Variants in PGCKA1 observed in about 807,000 individuals in gnomAD.
PGCKA1 encodes the protein PDCD10 and GCKIII kinases-associated protein 1.
the PGCKA1 span, among the ~76,000 whole-genome samples, chr4:37,498,999 T>G: frequency 6.6e-6 from 1 of 152,260 alleles, no homozygotes; most frequent in South Asian, 2.1e-4. Context: ...GTATGTTCCT[T>G]CAATGCCTAG....
the PGCKA1 span, among the ~76,000 whole-genome samples, chr4:37,555,684 G>C: frequency 6.6e-6 from 1 of 152,112 alleles, no homozygotes; most frequent in Admixed American, 6.6e-5. Flanking sequence ...TTTTTAAAAT[G>C]GTCTCGATCC....
the PGCKA1 span, among the ~76,000 whole-genome samples, chr4:37,466,923 C>T: frequency 3.3e-5 from 5 of 152,128 alleles, no homozygotes; most frequent in African/African-American, 1.2e-4. Context: ...CATGGTGAAA[C>T]CCCATCTCTA....
chr4:37,454,159 G>A, the PGCKA1 span: 1 of 152,322 alleles, frequency 6.6e-6, no homozygotes, highest in South Asian at 1.9e-4. Flanking sequence ...TTAATTTCTT[G>A]ATTTGCTTTT....
chr4:37,563,129 A>C, the PGCKA1 span, among the ~76,000 whole-genome samples: 149,761 of 152,240 alleles, frequency 0.98, 73,709 homozygotes, highest in Middle Eastern at 1. Flanking sequence ...AGTCCGGAAA[A>C]ACATTTATAA....
At chr4:37,571,243 G>A in the PGCKA1 span, among the ~76,000 whole-genome samples, 1 of 151,814 alleles carries the variant, frequency 6.6e-6, no homozygotes, top group Admixed American at 6.6e-5. Context: ...TCTCATCCTG[G>A]GACTATATAT....
At chr4:37,461,925 G>A in the PGCKA1 span, among the ~76,000 whole-genome samples, 2 of 152,030 alleles carry the variant, frequency 1.3e-5, no homozygotes, top group African/African-American at 4.8e-5. Context: ...AGGGAATAAA[G>A]AGAGAATGTG....
chr4:37,527,935 G>C, the PGCKA1 span, among the ~76,000 whole-genome samples: 3 of 152,174 alleles, frequency 2.0e-5, no homozygotes, highest in African/African-American at 7.2e-5. Context: ...AGGCAGTCTA[G>C]GTGTGTGGTA....
At chr4:37,457,503 T>G in the PGCKA1 span, among the ~76,000 whole-genome samples, 1 of 152,242 alleles carries the variant, frequency 6.6e-6, no homozygotes, top group Non-Finnish European at 1.5e-5. Context: ...TATTTTAAAT[T>G]TATTCACTTG....
the PGCKA1 span, among the ~76,000 whole-genome samples, chr4:37,574,187 CAAA>C: frequency 7.3e-6 from 1 of 136,348 alleles, no homozygotes; most frequent in Non-Finnish European, 1.6e-5. Flanking sequence ...GACTCCATCT[CAAA>C]AAAAAAAAAG....
chr4:37,480,221 C>A, the PGCKA1 span, among the ~76,000 whole-genome samples: 4 of 152,164 alleles, frequency 2.6e-5, no homozygotes, highest in Non-Finnish European at 4.4e-5. Context: ...GGCCAGGTGC[C>A]GTGGCTCACG....
At chr4:37,589,043 T>TA in the PGCKA1 span, 1 of 579,164 alleles carries the variant, frequency 1.7e-6, no homozygotes, top group South Asian at 3.0e-5. Context: ...TTGGAATTGT[T>TA]ATAATATCAT....
At chr4:37,460,900 A>G in the PGCKA1 span, 1 of 399,768 alleles carries the variant, frequency 2.5e-6, no homozygotes, top group Non-Finnish European at 4.8e-6. Context: ...TTCATCATAA[A>G]ATCTTTGCCC....
At chr4:37,473,961 C>G in the PGCKA1 span, among the ~76,000 whole-genome samples, 5 of 152,206 alleles carry the variant, frequency 3.3e-5, no homozygotes, top group Non-Finnish European at 7.3e-5. Context: ...CACCTTCAAG[C>G]CCACTGATGT....
At chr4:37,547,305 T>C in the PGCKA1 span, among the ~76,000 whole-genome samples, 1 of 152,218 alleles carries the variant, frequency 6.6e-6, no homozygotes, top group Non-Finnish European at 1.5e-5. Flanking sequence ...TGACCTGGCT[T>C]GGATTTCTGG....
the PGCKA1 span, among the ~76,000 whole-genome samples, chr4:37,561,663 C>T: frequency 6.6e-6 from 1 of 152,202 alleles, no homozygotes; most frequent in Non-Finnish European, 1.5e-5. Flanking sequence ...CTGCAGTCGA[C>T]AATCATAATT....
the PGCKA1 span, among the ~76,000 whole-genome samples, chr4:37,478,763 C>T: frequency 6.6e-6 from 1 of 152,230 alleles, no homozygotes; most frequent in Non-Finnish European, 1.5e-5. Context: ...CCCATTAACT[C>T]TGTGGCCACT....
chr4:37,551,985 A>C, the PGCKA1 span, among the ~76,000 whole-genome samples: 1 of 152,236 alleles, frequency 6.6e-6, no homozygotes, highest in Non-Finnish European at 1.5e-5. Flanking sequence ...AAGGGGGGAA[A>C]TGAGGGAAGA....
the PGCKA1 span, among the ~76,000 whole-genome samples, chr4:37,528,897 A>C: frequency 3.3e-5 from 5 of 152,234 alleles, no homozygotes; most frequent in Non-Finnish European, 7.3e-5. Context: ...TTCTACCACC[A>C]GAGAAAAATT....
chr4:37,514,000 G>T, the PGCKA1 span, among the ~76,000 whole-genome samples: 1 of 152,318 alleles, frequency 6.6e-6, no homozygotes, highest in African/African-American at 2.4e-5. Context: ...CCCTGGGACT[G>T]CATAATTTAT....
Sources: allele counts gnomAD v4.1 joint callset (sites outside exome capture counted in the v4.1 genomes callset), GRCh38; gene constraint gnomAD v4.1.1; transcripts MANE v1.5; gene names NCBI Gene and HGNC (gene_info 2026-07-23, HGNC 2026-07-21).